Variants in UBE2G1 observed in about 807,000 individuals in gnomAD.
The protein encoded by UBE2G1 is ubiquitin-conjugating enzyme E2 G1.
In UBE2G1, 5 loss-of-function variants were observed where a neutral mutation model predicts 22.7. That is an observed-to-expected ratio of 0.22 (90% CI 0.12 to 0.46). The LOEUF (loss-of-function observed/expected upper bound fraction) is 0.46, where lower values mean the gene tolerates loss of function less well. Ranked by LOEUF, UBE2G1 falls within the 20% of genes least tolerant of loss-of-function variation. UBE2G1 has a pLI of 0.99. For missense variants in UBE2G1, 88 were observed against 203.9 expected (o/e 0.43, Z 3.46); for synonymous variants, 74 against 67.5 (o/e 1.10, Z -0.47).
chr17:4,318,641 CT>C (rs1372093406), intron 1 of UBE2G1, among the ~76,000 whole-genome samples: 1 of 152,124 alleles, frequency 6.6e-6, no homozygotes, highest in Non-Finnish European at 1.5e-5. Context: ...AGAATGCCAC[CT>C]TCTTCATGTG....
At chr17:4,345,773 T>C (rs1969761981) in intron 1 of UBE2G1, 1 of 152,216 alleles carries the variant, frequency 6.6e-6, no homozygotes, top group Admixed American at 6.6e-5. Context: ...AGGTCTCTTG[T>C]TGATCTTCAG....
At chr17:4,336,597 G>A (rs932939569) in intron 1 of UBE2G1, among the ~76,000 whole-genome samples, 2 of 151,966 alleles carry the variant, frequency 1.3e-5, no homozygotes, top group Admixed American at 1.3e-4. Context: ...ATGGTGCAAG[G>A]CTCACTGCAA....
intron 1 of UBE2G1, among the ~76,000 whole-genome samples, chr17:4,341,584 C>T (rs1205987926): frequency 1.3e-5 from 2 of 152,198 alleles, no homozygotes; most frequent in Admixed American, 6.5e-5. Flanking sequence ...ACTTTACACA[C>T]ACACGCATGC....
At chr17:4,359,902 G>C (rs1969948648) in intron 1 of UBE2G1, among the ~76,000 whole-genome samples, 1 of 149,786 alleles carries the variant, frequency 6.7e-6, no homozygotes, top group Non-Finnish European at 1.5e-5. Context: ...ACTCAAATTA[G>C]CCCAATACTA....
chr17:4,337,587 A>G (rs1969663967), intron 1 of UBE2G1, among the ~76,000 whole-genome samples: 1 of 150,396 alleles, frequency 6.6e-6, no homozygotes, highest in Non-Finnish European at 1.5e-5. Flanking sequence ...CGGGAGGTGG[A>G]GGTTGCAATG....
rs541254789 is a variant in UBE2G1 at position 4,282,650 on chromosome 17, G to A, written c.*37+148C>T. 12 of 565,068 alleles carry A rather than the reference G, an allele frequency of 2.1e-5. No homozygotes were observed. In the South Asian group the frequency reaches 3.1e-4, roughly 15 times the overall value. 35.0% of individuals were successfully genotyped at this position (565,068 alleles called of 1,614,324 possible). On this transcript the variant is annotated intron_variant, in intron 5 of 5. Transcript: ENST00000396981. ...AGGAGAAAAGCAAGCAGATTATACA[G>A]TAGTTTTGAGAACGAGACTACAGGA...
At chr17:4,339,094 T>C (rs9889739) in intron 1 of UBE2G1, among the ~76,000 whole-genome samples, 1 of 152,168 alleles carries the variant, frequency 6.6e-6, no homozygotes, top group Non-Finnish European at 1.5e-5. Context: ...ATGAAAATTT[T>C]TCAACAACAG....
intron 1 of UBE2G1, among the ~76,000 whole-genome samples, chr17:4,313,550 T>C (rs1969334921): frequency 2.6e-5 from 4 of 152,128 alleles, no homozygotes; most frequent in African/African-American, 7.2e-5. Context: ...AAGTCATGAC[T>C]GCTAAAACAC....
At chr17:4,336,510 T>C (rs1969649245) in intron 1 of UBE2G1, among the ~76,000 whole-genome samples, 1 of 152,096 alleles carries the variant, frequency 6.6e-6, no homozygotes, top group South Asian at 2.1e-4. Flanking sequence ...TATACCAAAA[T>C]TTTCATAATA....
At chr17:4,337,500 A>T (rs1159427334) in intron 1 of UBE2G1, among the ~76,000 whole-genome samples, 1 of 151,836 alleles carries the variant, frequency 6.6e-6, no homozygotes, top group Non-Finnish European at 1.5e-5. Context: ...TAAAAATACA[A>T]ATGTTAGCCA....
At chr17:4,296,661 C>G (rs1413446393) in intron 3 of UBE2G1, 56 bp downstream of exon 3, 1 of 1,503,588 alleles carries the variant, frequency 6.7e-7, no homozygotes, top group African/African-American at 1.4e-5. Context: ...ACCTTGAACA[C>G]TTCAATAACA....
intron 4 of UBE2G1, 112 bp downstream of exon 4, chr17:4,289,106 TACACACACACAC>T (rs71144179): frequency 7.8e-6 from 4 of 515,448 alleles, no homozygotes; most frequent in Non-Finnish European, 1.2e-5. Flanking sequence ...TGGGAAGAGA[TACACACACACAC>T]ACACACACAC....
intron 1 of UBE2G1, among the ~76,000 whole-genome samples, chr17:4,357,337 T>G (rs1315995264): frequency 6.6e-6 from 1 of 152,002 alleles, no homozygotes; most frequent in East Asian, 1.9e-4. Flanking sequence ...GTTGTTAGAC[T>G]AACATAAATT....
chr17:4,337,546 G>A (rs1195834842), intron 1 of UBE2G1, among the ~76,000 whole-genome samples: 3 of 151,400 alleles, frequency 2.0e-5, no homozygotes, highest in Non-Finnish European at 2.9e-5. Context: ...CCAGCTACTC[G>A]GAAGGCTGAG....
chr17:4,324,964 C>A (rs1480429456), intron 1 of UBE2G1, among the ~76,000 whole-genome samples: 2 of 151,860 alleles, frequency 1.3e-5, no homozygotes, highest in Non-Finnish European at 2.9e-5. Context: ...GTAGTCCCAG[C>A]TACTCGGGAG....
At chr17:4,336,373 T>C (rs375717283) in intron 1 of UBE2G1, among the ~76,000 whole-genome samples, 2 of 152,140 alleles carry the variant, frequency 1.3e-5, no homozygotes, top group South Asian at 2.1e-4. Context: ...AAAGCATACA[T>C]AGCAAGCATC....
chr17:4,315,346 TGTAAAA>T (rs1349080474), intron 1 of UBE2G1, among the ~76,000 whole-genome samples: 1 of 152,206 alleles, frequency 6.6e-6, no homozygotes, highest in African/African-American at 2.4e-5. Flanking sequence ...TCGATCATTA[TGTAAAA>T]GTAAAACTTC....
At chr17:4,296,321 G>A (rs1268173387) in intron 3 of UBE2G1, among the ~76,000 whole-genome samples, 2 of 152,140 alleles carry the variant, frequency 1.3e-5, no homozygotes, top group Admixed American at 6.5e-5. Context: ...GGAGTGCAGT[G>A]GTGTGATCTT....
intron 2 of UBE2G1, among the ~76,000 whole-genome samples, chr17:4,306,307 G>A (rs1315991785): frequency 6.6e-6 from 1 of 152,106 alleles, no homozygotes; most frequent in East Asian, 1.9e-4. Context: ...TCCTGCCTCA[G>A]CCTCCCGGGT....
Sources: gnomAD v4.1 joint callset for allele counts (sites outside exome capture counted in the v4.1 genomes callset) on GRCh38, gnomAD v4.1.1 for gene constraint, MANE v1.5 for transcripts, NCBI Gene and HGNC (gene_info 2026-07-23, HGNC 2026-07-21) for gene names.